DRC2: variants seen among roughly 807,000 people sequenced by gnomAD.
DRC2 encodes coiled-coil domain containing 65.
chr12:48,917,129 G>A, the DRC2 span: 1 of 1,612,980 alleles, frequency 6.2e-7, no homozygotes, highest in African/African-American at 1.3e-5. Context: ...AGAGTAGATA[G>A]GCAAGAAGTG....
At chr12:48,917,663 CA>C in the DRC2 span, among the ~76,000 whole-genome samples, 1 of 152,046 alleles carries the variant, frequency 6.6e-6, no homozygotes, top group African/African-American at 2.4e-5. Flanking sequence ...TAAAAAGCAC[CA>C]AGGAGATCAT....
At chr12:48,913,169 A>G in the DRC2 span, among the ~76,000 whole-genome samples, 1 of 151,168 alleles carries the variant, frequency 6.6e-6, no homozygotes, top group African/African-American at 2.4e-5. Flanking sequence ...CCCCAGGTTC[A>G]ACTTATTTTC....
At chr12:48,917,342 T>C in the DRC2 span, among the ~76,000 whole-genome samples, 1 of 140,560 alleles carries the variant, frequency 7.1e-6, no homozygotes, top group African/African-American at 2.7e-5. Flanking sequence ...TGTGTGCCTA[T>C]GGTCCAAGCT....
chr12:48,905,065 C>A, the DRC2 span: 2 of 1,613,900 alleles, frequency 1.2e-6, no homozygotes, highest in Non-Finnish European at 1.7e-6. Context: ...TTGAGATCCT[C>A]AGCCAAACAT....
the DRC2 span, chr12:48,914,279 G>A: frequency 1.1e-6 from 1 of 952,172 alleles, no homozygotes; most frequent in Non-Finnish European, 1.5e-6. Context: ...GAGGGGGACA[G>A]CCAGCATTCT....
At chr12:48,918,813 T>G in the DRC2 span, 2 of 1,614,066 alleles carry the variant, frequency 1.2e-6, no homozygotes, top group Middle Eastern at 1.6e-4. Context: ...CCCAAAGAAC[T>G]CAGGCCCGGG....
chr12:48,914,675 C>A, the DRC2 span: 30 of 1,072,706 alleles, frequency 2.8e-5, no homozygotes, highest in Non-Finnish European at 3.6e-5. Context: ...CTTGGAGCAT[C>A]CCACATTGAT....
the DRC2 span, chr12:48,917,197 T>TC: frequency 6.8e-7 from 1 of 1,480,254 alleles, no homozygotes; most frequent in Non-Finnish European, 9.3e-7. Context: ...ACACCTGTAA[T>TC]CCCAGCACCT....
At chr12:48,918,400 G>A in the DRC2 span, 10 of 1,614,186 alleles carry the variant, frequency 6.2e-6, no homozygotes, top group Non-Finnish European at 8.5e-6. Flanking sequence ...CTGCCTTTGA[G>A]ACCCTGCAGG....
chr12:48,913,076 A>C, the DRC2 span, among the ~76,000 whole-genome samples: 1 of 140,628 alleles, frequency 7.1e-6, no homozygotes, highest in Non-Finnish European at 1.5e-5. Flanking sequence ...CCAAGGTTGC[A>C]GTGAGCCAAG....
the DRC2 span, chr12:48,914,462 A>G: frequency 6.2e-7 from 1 of 1,614,156 alleles, no homozygotes. Context: ...CTGCGCAGCC[A>G]CTTGCACAAT....
chr12:48,905,126 TC>T, the DRC2 span: 5 of 1,580,816 alleles, frequency 3.2e-6, no homozygotes, highest in Non-Finnish European at 4.3e-6. Flanking sequence ...AGGCACTCTT[TC>T]CAAGGAAACC....
the DRC2 span, chr12:48,921,460 C>T: frequency 6.3e-7 from 1 of 1,593,784 alleles, no homozygotes; most frequent in Non-Finnish European, 8.6e-7. Context: ...ATTGAAGCAG[C>T]CCAGATGATC....
At chr12:48,911,114 AT>A in the DRC2 span, among the ~76,000 whole-genome samples, 1 of 152,116 alleles carries the variant, frequency 6.6e-6, no homozygotes, top group Admixed American at 6.6e-5. Flanking sequence ...CTGTATTTTT[AT>A]TTTGGTAACT....
chr12:48,920,441 TAAAAAAAAAAAAA>T, the DRC2 span, among the ~76,000 whole-genome samples: 438 of 67,822 alleles, frequency 6.5e-3, 10 homozygotes, highest in Non-Finnish European at 8.6e-3. Context: ...AACTCCATCT[TAAAAAAAAAAAAA>T]AAAAAAAAAA....
chr12:48,915,114 C>CTTTTTTTTT, the DRC2 span, among the ~76,000 whole-genome samples: 1 of 133,922 alleles, frequency 7.5e-6, no homozygotes, highest in Non-Finnish European at 1.6e-5. Context: ...CACTTTCTTT[C>CTTTTTTTTT]TTTTTTTTTT....
At chr12:48,915,788 C>CA in the DRC2 span, among the ~76,000 whole-genome samples, 2 of 150,800 alleles carry the variant, frequency 1.3e-5, no homozygotes, top group Non-Finnish European at 3.0e-5. Flanking sequence ...CTGACCCCCC[C>CA]ACCTCCCTCC....
chr12:48,907,192 G>A, the DRC2 span, among the ~76,000 whole-genome samples: 35 of 152,258 alleles, frequency 2.3e-4, no homozygotes, highest in African/African-American at 7.9e-4. Flanking sequence ...TCCAGCCTGG[G>A]TGACAGAGCG....
the DRC2 span, among the ~76,000 whole-genome samples, chr12:48,919,899 T>C: frequency 9.3e-5 from 14 of 151,050 alleles, no homozygotes; most frequent in Admixed American, 2.6e-4. Flanking sequence ...GGTGGGAGGA[T>C]TGCTTGAGCC....
Sources: gnomAD v4.1 joint callset for allele counts (sites outside exome capture counted in the v4.1 genomes callset) on GRCh38, gnomAD v4.1.1 for gene constraint, MANE v1.5 for transcripts, NCBI Gene and HGNC (gene_info 2026-07-23, HGNC 2026-07-21) for gene names.